CLOCK: variants seen among roughly 807,000 people sequenced by gnomAD.
The protein encoded by CLOCK is clock circadian regulator.
In CLOCK, 43 loss-of-function variants were observed where a neutral mutation model predicts 118.4. The observed-to-expected ratio is 0.36, with a 90% CI of 0.28 to 0.47. The LOEUF is 0.47. CLOCK is among the 20% of genes least tolerant of loss of function. The probability of loss-of-function intolerance (pLI) is 1.00; values close to 1 mark genes in which losing one functional copy is unlikely to be tolerated. For synonymous variants in CLOCK, 326 were observed against 339.2 expected (o/e 0.96, Z 0.43); for missense variants, 846 against 999.9 (o/e 0.85, Z 2.08).
At chr4:55,495,392 T>C (rs1191153824) in intron 2 of CLOCK, among the ~76,000 whole-genome samples, 4 of 152,140 alleles carry the variant, frequency 2.6e-5, no homozygotes, top group Non-Finnish European at 5.9e-5. Context: ...TTTCAAACAA[T>C]GGCTTCTCTC....
At chr4:55,469,384 C>T (rs570932367) in intron 8 of CLOCK, among the ~76,000 whole-genome samples, 1 of 152,282 alleles carries the variant, frequency 6.6e-6, no homozygotes, top group African/African-American at 2.4e-5. Flanking sequence ...GCATTAGCCA[C>T]CACACCCAGA....
At chr4:55,489,810 T>C (rs11727248) in intron 2 of CLOCK, among the ~76,000 whole-genome samples, 10,097 of 152,180 alleles carry the variant, frequency 0.066, 427 homozygotes, top group African/African-American at 0.12. Flanking sequence ...TGAAGTTAGA[T>C]TGTTATACGC....
rs1722518945 is a variant in CLOCK, at chr4:55,431,756, C to CT, written c.*3658dup. 6.6e-6 allele frequency: 1 copy of CT among 152,230 alleles called. No homozygotes were observed. Among genetic ancestry groups the CT allele is most frequent in the Non-Finnish European group, 1.5e-5 (1 of 68,022 alleles). 9.4% of individuals were successfully genotyped at this position (152,230 alleles called of 1,614,324 possible). ...AAAGTAAAATGCTATTTGCATTCCACTTTTAAAAAGTTTGCCTCAATGTAG... is the reference window on the plus strand; with the variant it reads ...AAAGTAAAATGCTATTTGCATTCCACTTTTTAAAAAGTTTGCCTCAATGTAG... On this transcript the variant is annotated 3_prime_UTR_variant, in exon 23 of 23. Coordinates refer to ENST00000513440, the MANE Select transcript of CLOCK (RefSeq NM_004898.4).
chr4:55,544,842 T>G (rs2110133191), intron 1 of CLOCK, among the ~76,000 whole-genome samples: 1 of 152,318 alleles, frequency 6.6e-6, no homozygotes, highest in Non-Finnish European at 1.5e-5. Context: ...AATTTCTTTA[T>G]ATAAAGAGCA....
At chr4:55,486,920 C>T (rs1001800855) in intron 3 of CLOCK, among the ~76,000 whole-genome samples, 3 of 152,120 alleles carry the variant, frequency 2.0e-5, no homozygotes, top group African/African-American at 4.8e-5. Context: ...GAGTTGTTCT[C>T]TATTCTTTGT....
intron 2 of CLOCK, among the ~76,000 whole-genome samples, chr4:55,492,372 C>T (rs1727767686): frequency 9.6e-6 from 1 of 103,730 alleles, no homozygotes; most frequent in Admixed American, 1.1e-4. Flanking sequence ...AAAAAAAACG[C>T]CATTCAACAA....
intron 4 of CLOCK, among the ~76,000 whole-genome samples, chr4:55,482,360 G>C (rs12504300): frequency 0.24 from 36,678 of 152,092 alleles, 5,683 homozygotes; most frequent in East Asian, 0.58. Context: ...CCTAATTATA[G>C]TTACTTCTTA....
chr4:55,472,010 G>A (rs1238199650), intron 7 of CLOCK, among the ~76,000 whole-genome samples: 3 of 152,202 alleles, frequency 2.0e-5, no homozygotes, highest in Non-Finnish European at 4.4e-5. Flanking sequence ...AGTTGAGGCT[G>A]CAATGAGCCA....
chr4:55,443,677 G>GT lies in CLOCK; in HGVS notation c.1902+9dup. On this transcript the variant is annotated intron_variant, in intron 20 of 22. Transcript: ENST00000513440. The stretch of plus-strand genomic sequence containing the variant: ...ATCACTCCATAGCCCGCTGTGCTCA[G>GT]TAACATTACCTGAGTTGATGTACTC... 1.2e-6 allele frequency: 2 copies of GT among 1,610,878 alleles called. No homozygotes were observed. Among genetic ancestry groups the GT allele is most frequent in the Non-Finnish European group, 1.7e-6 (2 of 1,177,076 alleles).
At position 55,515,377 on chromosome 4, in the gene CLOCK, C is replaced by T. The variant is rs58940536; in HGVS notation, c.-289-5312G>A. Among the ~76,000 whole-genome samples the T allele has an allele frequency of 3.7e-3, 569 of 151,854 alleles. 4 individuals carry two copies. The highest frequency in any genetic ancestry group is 0.013 in the African/African-American group (542 of 41,444). On this transcript the variant is annotated intron_variant, in intron 1 of 22. Coordinates refer to ENST00000513440, the MANE Select transcript of CLOCK (RefSeq NM_004898.4). ...GATTTCTTATTTTCCATTTCACTGGCTGTTTTGTTTGTTTTGAGATGGAGT... is the reference window on the plus strand; with the variant it reads ...GATTTCTTATTTTCCATTTCACTGGTTGTTTTGTTTGTTTTGAGATGGAGT...
chr4:55,448,358 T>A (rs971725578), intron 18 of CLOCK, among the ~76,000 whole-genome samples: 5 of 152,182 alleles, frequency 3.3e-5, no homozygotes, highest in African/African-American at 1.2e-4. Flanking sequence ...TTAATATCTT[T>A]ATGTCTACAG....
chr4:55,487,508 C>G (rs1282546958), intron 3 of CLOCK, among the ~76,000 whole-genome samples: 2 of 152,148 alleles, frequency 1.3e-5, no homozygotes, highest in East Asian at 3.9e-4. Context: ...AACCTGGTAC[C>G]CTGGGTTCTT....
chr4:55,445,489 T>C (rs1033592795), intron 18 of CLOCK, among the ~76,000 whole-genome samples: 7 of 151,928 alleles, frequency 4.6e-5, no homozygotes, highest in East Asian at 1.9e-4. Context: ...GGTTAGGAGC[T>C]TGTGGGGAGT....
rs1188073849 is a variant in CLOCK at position 55,429,646 on chromosome 4, T to C, written c.*5769A>G. 3 of 152,196 alleles carry C rather than the reference T, an allele frequency of 2.0e-5. No individual in the cohort carries two copies. Among genetic ancestry groups the C allele is most frequent in the African/African-American group, 7.2e-5 (3 of 41,436 alleles). The allele number at this position is 152,196 out of a possible 1,614,324, so 9.4% of individuals were successfully genotyped here. A position where few individuals can be genotyped will look rare whatever the true frequency, so the allele number is the denominator to read the frequency against. ...CATTAAAAGATGCTATTTCTTTTAC[T>C]AACATTTCCCCAAATGGGCAAAATA... On this transcript the variant is annotated 3_prime_UTR_variant, in exon 23 of 23. Coordinates refer to ENST00000513440, the MANE Select transcript of CLOCK (RefSeq NM_004898.4).
chr4:55,479,035 T>C (rs1726735193), intron 5 of CLOCK, 72 bp from the exon 6 acceptor site: 4 of 1,252,696 alleles, frequency 3.2e-6, no homozygotes, highest in East Asian at 5.1e-5. Context: ...ACAATGTTAA[T>C]TTAGACATGA....
chr4:55,476,101 A>T, intron 6 of CLOCK, 47 bp from the exon 7 acceptor site: 1 of 1,227,958 alleles, frequency 8.1e-7, no homozygotes, highest in Non-Finnish European at 1.2e-6. Context: ...CCACCGGAGG[A>T]GTACAAAAGC....
intron 15 of CLOCK, among the ~76,000 whole-genome samples, chr4:55,451,230 T>G (rs567899232): frequency 3.8e-4 from 58 of 152,304 alleles, no homozygotes; most frequent in Admixed American, 2.3e-3. Flanking sequence ...CTGTTCTTAT[T>G]GATCACCAAT....
chr4:55,474,505 G>A (rs576043546), intron 7 of CLOCK, among the ~76,000 whole-genome samples: 138 of 152,310 alleles, frequency 9.1e-4, no homozygotes, highest in African/African-American at 3.0e-3. Context: ...AGATACCAGA[G>A]TTTCAGTGCA....
chr4:55,510,300 A>T (rs1729055224), intron 1 of CLOCK, among the ~76,000 whole-genome samples: 1 of 152,172 alleles, frequency 6.6e-6, no homozygotes, highest in African/African-American at 2.4e-5. Flanking sequence ...AGCATAACAG[A>T]GATACAAACC....
Sources: gnomAD v4.1 joint callset for allele counts (sites outside exome capture counted in the v4.1 genomes callset) on GRCh38, gnomAD v4.1.1 for gene constraint, MANE v1.5 for transcripts, NCBI Gene and HGNC (gene_info 2026-07-23, HGNC 2026-07-21) for gene names.